SACS: variants seen among roughly 807,000 people sequenced by gnomAD.
SACS encodes sacsin molecular chaperone.
A neutral mutation model predicts 348.0 loss-of-function variants in SACS; 197 were observed. That is an observed-to-expected ratio of 0.57 (90% CI 0.50 to 0.64). The LOEUF is 0.64. Ranked by LOEUF, SACS falls within the 30% of genes least tolerant of loss-of-function variation. The probability of loss-of-function intolerance (pLI) is 0.00; values close to 1 mark genes in which losing one functional copy is unlikely to be tolerated. For missense variants in SACS, 4,999 were observed against 5,360.8 expected (o/e 0.93, Z 2.11); for synonymous variants, 1,985 against 1,910.6 (o/e 1.04, Z -1.02).
chr13:23,396,911 A>G (rs182941766), intron 2 of SACS, among the ~76,000 whole-genome samples: 1 of 152,354 alleles, frequency 6.6e-6, no homozygotes, highest in Admixed American at 6.5e-5. Context: ...AGCAATCTCA[A>G]GTACTGAAAC....
chr13:23,336,092 G>A lies in SACS; in HGVS notation c.7784C>T (p.Pro2595Leu), dbSNP rs1868566012. The A allele has an allele frequency of 6.2e-7, 1 of 1,611,396 alleles. No individual in the cohort carries two copies. The highest frequency in any genetic ancestry group is 2.2e-5 in the East Asian group (1 of 44,826). Reference protein sequence around the residue: ...GPALCVYNNQPFTEDDVRGIQ... With the variant: ...GPALCVYNNQLFTEDDVRGIQ... ...TCCTCTAACATCATCTTCTGTAAAT[G>A]GCTGGTTGTTGTACACACAAAGTGC... Residue 2595 changes from proline (P) to leucine (L), a missense_variant, in exon 10 of 10, where the codon CCA becomes CTA. Pro to Leu is a moderately conservative substitution (Grantham distance 98). Coordinates refer to ENST00000382292, the MANE Select transcript of SACS (RefSeq NM_014363.6).
At chr13:23,396,892 C>G (rs1421395960) in intron 2 of SACS, among the ~76,000 whole-genome samples, 1 of 152,152 alleles carries the variant, frequency 6.6e-6, no homozygotes, top group Non-Finnish European at 1.5e-5. Flanking sequence ...CATTCATTAG[C>G]AATTTCTAAG....
At position 23,330,109 on chromosome 13, in the gene SACS, AT is replaced by A. The variant is rs1319430912; in HGVS notation, c.*26del. The A allele has an allele frequency of 6.3e-7, 1 of 1,596,292 alleles. No individual in the cohort carries two copies. Among genetic ancestry groups the A allele is most frequent in the Non-Finnish European group, 8.6e-7 (1 of 1,165,162 alleles). On this transcript the variant is annotated 3_prime_UTR_variant, in exon 10 of 10. Coordinates refer to ENST00000382292, the MANE Select transcript of SACS (RefSeq NM_014363.6). ...TTATTCGTGCTACAACACATTCAAG[AT>A]CTACCTTTTTTTTCGTTAAATATCT...
chr13:23,380,678 A>G (rs1030838302), intron 2 of SACS, among the ~76,000 whole-genome samples: 7 of 152,198 alleles, frequency 4.6e-5, no homozygotes, highest in African/African-American at 1.7e-4. Flanking sequence ...TTTACACATG[A>G]TGAAAGACAG....
chr13:23,332,398 GTACA>G lies in SACS; in HGVS notation c.11474_11477del (p.Leu3825SerfsTer5). On this transcript the variant is annotated frameshift_variant, in exon 10 of 10. Coordinates refer to ENST00000382292, the MANE Select transcript of SACS (RefSeq NM_014363.6). LOFTEE classifies it high-confidence loss of function. ...ATGTGCCAAGTTCTAAAGGTAGCTTGTACAAATAAGGTTTAAAATCAGATTCATA... is the reference window on the plus strand; with the variant it reads ...ATGTGCCAAGTTCTAAAGGTAGCTTGAATAAGGTTTAAAATCAGATTCATA... The G allele has an allele frequency of 6.2e-7, 1 of 1,613,946 alleles. No individual in the cohort carries two copies. Among genetic ancestry groups the G allele is most frequent in the Admixed American group, 1.7e-5 (1 of 60,016 alleles).
In SACS at chr13:23,341,580, G is replaced by GATA; in HGVS notation, c.2293_2295dup (p.Tyr765dup). The GATA allele has an allele frequency of 6.2e-7, 1 of 1,613,866 alleles. No homozygotes were observed. Among genetic ancestry groups the GATA allele is most frequent in the Non-Finnish European group, 8.5e-7 (1 of 1,179,940 alleles). On this transcript the variant is annotated inframe_insertion, in exon 10 of 10. Transcript: ENST00000382292. ...GGGTGATTTCTGTTTTCATCAAATG[G>GATA]ATACCATTGAACAATCAATTCTCTG...
chr13:23,336,110 C>CA lies in SACS; in HGVS notation c.7765dup (p.Cys2589LeufsTer12). On this transcript the variant is annotated frameshift_variant, in exon 10 of 10. Coordinates refer to ENST00000382292, the MANE Select transcript of SACS (RefSeq NM_014363.6). LOFTEE classifies it high-confidence loss of function. Reference sequence around the variant, plus strand: ...TGTAAATGGCTGGTTGTTGTACACACAAAGTGCTGGCCCTTGCAATGGGGC... The same window carrying CA: ...TGTAAATGGCTGGTTGTTGTACACACAAAAGTGCTGGCCCTTGCAATGGGGC... 1 of 1,611,400 alleles carries CA rather than the reference C, an allele frequency of 6.2e-7. No individual in the cohort carries two copies. Among genetic ancestry groups the CA allele is most frequent in the Non-Finnish European group, 8.5e-7 (1 of 1,177,948 alleles).
chr13:23,360,848 G>C (rs762171325), intron 6 of SACS, among the ~76,000 whole-genome samples: 6 of 151,134 alleles, frequency 4.0e-5, no homozygotes, highest in Non-Finnish European at 8.8e-5. Context: ...TCCGCCTCCC[G>C]GGTTCAAGCA....
At chr13:23,345,956 A>G (rs1327910572) in intron 9 of SACS, among the ~76,000 whole-genome samples, 1 of 152,148 alleles carries the variant, frequency 6.6e-6, no homozygotes, top group Admixed American at 6.6e-5. Context: ...CTGTAAGAAC[A>G]ATCGGCTGAC....
chr13:23,432,770 C>T (rs566048338), intron 1 of SACS, among the ~76,000 whole-genome samples: 15 of 152,174 alleles, frequency 9.9e-5, no homozygotes, highest in Non-Finnish European at 2.2e-4. Context: ...TTCAGAGCAG[C>T]TTGCGCTTGG....
intron 9 of SACS, among the ~76,000 whole-genome samples, chr13:23,353,581 T>G (rs956833332): frequency 1.3e-5 from 2 of 152,214 alleles, no homozygotes; most frequent in Non-Finnish European, 2.9e-5. Flanking sequence ...GGAGAGATTT[T>G]TACACTTATC....
chr13:23,342,037 T>A (rs1869292213), intron 9 of SACS, among the ~76,000 whole-genome samples: 1 of 152,114 alleles, frequency 6.6e-6, no homozygotes, highest in Non-Finnish European at 1.5e-5. Context: ...CCCACCCGCC[T>A]TGGCCTCCCA....
intron 1 of SACS, among the ~76,000 whole-genome samples, chr13:23,426,351 G>C (rs528409471): frequency 1.4e-4 from 22 of 152,160 alleles, no homozygotes; most frequent in Non-Finnish European, 2.8e-4. Context: ...GTATATGTAA[G>C]AAGTACAGGC....
At chr13:23,348,723 AT>A (rs1395587354) in intron 9 of SACS, among the ~76,000 whole-genome samples, 1 of 152,210 alleles carries the variant, frequency 6.6e-6, no homozygotes, top group Non-Finnish European at 1.5e-5. Flanking sequence ...ATGAATAAAC[AT>A]TAGCTGGGCA....
In SACS at chr13:23,334,384, T is replaced by G. The variant is rs1025915131; in HGVS notation, c.9492A>C (p.Gln3164His). ...PLLITLDSVL[Q>H]TFDAKRPKFL... Reference sequence around the variant, plus strand: ...ACTTGGGTCGTTTTGCATCAAAAGTTTGCAAAACACTGTCCAGTGTGATGA... The same window carrying G: ...ACTTGGGTCGTTTTGCATCAAAAGTGTGCAAAACACTGTCCAGTGTGATGA... Residue 3164 changes from glutamine (Q) to histidine (H), a missense_variant, in exon 10 of 10, where the codon CAA (glutamine) becomes CAC (histidine). Gln to His is a conservative substitution (Grantham distance 24). Transcript: ENST00000382292. 11 of 1,612,960 alleles carry G rather than the reference T, an allele frequency of 6.8e-6. No homozygotes were observed. Among genetic ancestry groups the G allele is most frequent in the Non-Finnish European group, 9.3e-6 (11 of 1,179,594 alleles).
Position 23,335,646 on chromosome 13 carries a change from T to C in SACS, c.8230A>G (p.Met2744Val). 1 of 1,614,000 alleles carries C rather than the reference T, an allele frequency of 6.2e-7. No homozygotes were observed. Among genetic ancestry groups the C allele is most frequent in the East Asian group, 2.2e-5 (1 of 44,884 alleles). ...GAELLMFLNH[M>V]EKISICEIDK... is the part of the protein sequence containing the mutation. ...ATTTCACAAATAGAAATTTTTTCCA[T>C]GTGATTAAGAAACATTAGAAGTTCT... The change falls in exon 10 of 10, where the codon ATG (methionine) becomes GTG (valine). Residue 2744 changes from methionine (M) to valine (V), a missense_variant. By Grantham distance (21) the Met-to-Val change is conservative. Transcript: ENST00000382292. This position sits in a 1 kb window ranked among gnomAD's most constrained non-coding sequence, Gnocchi z 4.7.
At chr13:23,419,855 A>C (rs1345237373) in intron 1 of SACS, among the ~76,000 whole-genome samples, 1 of 152,182 alleles carries the variant, frequency 6.6e-6, no homozygotes, top group Non-Finnish European at 1.5e-5. Flanking sequence ...TGGCCAGAGA[A>C]TATGTGACCA....
chr13:23,375,384 A>AGCGCCCGCCCCTGACGCCG (rs1871700326), intron 2 of SACS, 115 bp from the exon 3 acceptor site: 27 of 1,247,368 alleles, frequency 2.2e-5, no homozygotes, highest in Non-Finnish European at 2.7e-5. Context: ...AGGCGCCCCT[A>AGCGCCCGCCCCTGACGCCG]GCGCCCGCCC....
intron 2 of SACS, among the ~76,000 whole-genome samples, chr13:23,380,484 A>T (rs189602264): frequency 6.6e-6 from 1 of 152,298 alleles, no homozygotes; most frequent in African/African-American, 2.4e-5. Flanking sequence ...CATTCATTTT[A>T]AGCTCCAATT....
Sources: gnomAD v4.1 joint callset for allele counts (sites outside exome capture counted in the v4.1 genomes callset) on GRCh38, gnomAD v4.1.1 for gene constraint, Gnocchi (gnomAD v3.1) non-coding constraint, MANE v1.5 for transcripts, NCBI Gene and HGNC (gene_info 2026-07-23, HGNC 2026-07-21) for gene names.